DCC: variants seen among roughly 807,000 people sequenced by gnomAD.
The protein encoded by DCC is netrin receptor DCC.
DCC carries 58 observed loss-of-function variants against 172.5 expected under a neutral mutation model. The ratio of observed to expected loss-of-function variants is 0.34; its 90% CI spans 0.27 to 0.42. DCC has a LOEUF of 0.42. Ranked by LOEUF, DCC falls within the 10% of genes least tolerant of loss-of-function variation. The pLI is 1.00. For missense variants in DCC, 1,740 were observed against 1,791.0 expected (o/e 0.97, Z 0.51); for synonymous variants, 709 against 644.5 (o/e 1.10, Z -1.52).
At chr18:52,528,315 G>T (rs551405095) in intron 1 of DCC, among the ~76,000 whole-genome samples, 18 of 151,994 alleles carry the variant, frequency 1.2e-4, no homozygotes, top group African/African-American at 4.1e-4. Context: ...GATATATTTC[G>T]AATATAATGT....
At chr18:52,832,727 C>T (rs1408014589) in intron 2 of DCC, among the ~76,000 whole-genome samples, 1 of 152,104 alleles carries the variant, frequency 6.6e-6, no homozygotes, top group African/African-American at 2.4e-5. Context: ...AAGTAATTTG[C>T]AACTTCATTG....
intron 15 of DCC, among the ~76,000 whole-genome samples, chr18:53,345,682 G>C (rs1434309374): frequency 2.0e-5 from 3 of 151,656 alleles, no homozygotes; most frequent in Non-Finnish European, 4.4e-5. Context: ...TCTTCGTTTT[G>C]CTTTATCTGA....
intron 12 of DCC, among the ~76,000 whole-genome samples, chr18:53,301,711 T>C (rs948174554): frequency 7.9e-5 from 12 of 152,174 alleles, no homozygotes; most frequent in Non-Finnish European, 1.6e-4. Context: ...GTAGATATCA[T>C]CTATTGGTTT....
intron 13 of DCC, among the ~76,000 whole-genome samples, chr18:53,315,555 T>C (rs1405611178): frequency 6.6e-6 from 1 of 152,206 alleles, no homozygotes; most frequent in African/African-American, 2.4e-5. Context: ...TCCACAATGG[T>C]TGAACTAATT....
rs534494703 is a variant in DCC, at chr18:53,043,700, T to G, written c.986-19605T>G. ...TTCAAAGATGACTTTAAGAGGGAAA[T>G]GTGACATCACTGAATGGCAAAGTTG... is the stretch of plus-strand genomic sequence containing the variant. On this transcript the variant is annotated intron_variant, in intron 5 of 28. Coordinates refer to ENST00000442544, the MANE Select transcript of DCC (RefSeq NM_005215.4). Among the ~76,000 whole-genome samples, 4 of 152,052 alleles carry G rather than the reference T, an allele frequency of 2.6e-5. No individual in the cohort carries two copies. The South Asian group carries it at 8.3e-4, about 31-fold the overall frequency.
At chr18:53,225,839 C>A (rs2056018614) in intron 12 of DCC, among the ~76,000 whole-genome samples, 3 of 152,150 alleles carry the variant, frequency 2.0e-5, no homozygotes, top group South Asian at 2.1e-4. Flanking sequence ...TTGGGGTAGG[C>A]AGATAGCTGG....
At chr18:53,134,174 G>A (rs1205435480) in intron 7 of DCC, among the ~76,000 whole-genome samples, 1 of 152,128 alleles carries the variant, frequency 6.6e-6, no homozygotes, top group Non-Finnish European at 1.5e-5. Flanking sequence ...CTGTACTGCA[G>A]GTTTATTAGA....
chr18:52,576,852 A>G (rs1013335182), intron 1 of DCC, among the ~76,000 whole-genome samples: 7 of 151,274 alleles, frequency 4.6e-5, no homozygotes, highest in African/African-American at 1.7e-4. Context: ...AAAGAAAATA[A>G]TGTAGTTTCA....
At chr18:53,077,483 C>T (rs563263594) in intron 7 of DCC, among the ~76,000 whole-genome samples, 1 of 152,214 alleles carries the variant, frequency 6.6e-6, no homozygotes, top group African/African-American at 2.4e-5. Flanking sequence ...CTGTTATGTC[C>T]TCTGGTCCCG....
rs943114336 is a variant in DCC, at chr18:52,820,891, G to A, written c.412+68517G>A. On this transcript the variant is annotated intron_variant, in intron 2 of 28. Transcript: ENST00000442544. ...CCTCCCTTCCAAAATCTTTTTGTTA[G>A]TGAACAGCCTATTCTCCACCTTCCC... 5.3e-5 allele frequency among the ~76,000 whole-genome samples: 8 copies of A among 152,106 alleles called. 1 individual carries two copies. The East Asian group carries it at 1.2e-3, about 22-fold the overall frequency.
chr18:52,855,472 A>G (rs1157973091), intron 2 of DCC, among the ~76,000 whole-genome samples: 1 of 152,196 alleles, frequency 6.6e-6, no homozygotes, highest in Non-Finnish European at 1.5e-5. Context: ...TTTTGTCGAT[A>G]AGGACATGAC....
At chr18:53,410,997 A>G (rs1216300442) in intron 20 of DCC, among the ~76,000 whole-genome samples, 2 of 152,154 alleles carry the variant, frequency 1.3e-5, no homozygotes, top group East Asian at 3.8e-4. Flanking sequence ...ATAGCATACT[A>G]TTGCCGACTT....
Position 53,157,340 on chromosome 18 carries a change from T to C in DCC, c.1262-16T>C, listed in dbSNP as rs373907023. The C allele has an allele frequency of 1.5e-4, 239 of 1,613,882 alleles. No homozygotes were observed. Among genetic ancestry groups the C allele is most frequent in the Non-Finnish European group, 1.8e-4 (217 of 1,179,952 alleles). On this transcript the variant is annotated splice_polypyrimidine_tract_variant and intron_variant, in intron 7 of 28. Transcript: ENST00000442544. ...GGCAGCGACACCTCTGATAGCCTCCTCTTCTTTCTCCTTAGCTATCCCAAG... is the reference window on the plus strand; with the variant it reads ...GGCAGCGACACCTCTGATAGCCTCCCCTTCTTTCTCCTTAGCTATCCCAAG...
chr18:53,190,762 C>T (rs761401711), intron 9 of DCC, among the ~76,000 whole-genome samples: 31 of 152,080 alleles, frequency 2.0e-4, no homozygotes, highest in Non-Finnish European at 3.4e-4. Flanking sequence ...CTGGCTAACA[C>T]GGTGAAACCC....
chr18:52,583,893 T>C (rs1482340798), intron 1 of DCC, among the ~76,000 whole-genome samples: 1 of 152,254 alleles, frequency 6.6e-6, no homozygotes, highest in Non-Finnish European at 1.5e-5. Flanking sequence ...GCTTTCTCTT[T>C]CTTCCTTTTC....
chr18:52,687,684 A>AT (rs948747374), intron 1 of DCC, among the ~76,000 whole-genome samples: 3 of 152,140 alleles, frequency 2.0e-5, no homozygotes, highest in Non-Finnish European at 4.4e-5. Flanking sequence ...AGCAAGCAGA[A>AT]TTATTTTAAA....
chr18:53,418,524 T>C (rs1480691500), intron 21 of DCC, among the ~76,000 whole-genome samples: 1 of 152,160 alleles, frequency 6.6e-6, no homozygotes, highest in African/African-American at 2.4e-5. Flanking sequence ...ATTACATTTA[T>C]GACAGGAGCT....
At chr18:52,834,233 A>G (rs918236103) in intron 2 of DCC, among the ~76,000 whole-genome samples, 1 of 152,202 alleles carries the variant, frequency 6.6e-6, no homozygotes, top group Non-Finnish European at 1.5e-5. Flanking sequence ...AGCTCTTTTT[A>G]GGAAGTAAAG....
chr18:52,987,179 C>G lies in DCC; in HGVS notation c.985+61809C>G, dbSNP rs535585699. On this transcript the variant is annotated intron_variant, in intron 5 of 28. Transcript: ENST00000442544. ...CCCAAATATGGTTTCCTCCCCCTTT[C>G]TATCTATACTCACACTCTGGGTAAG... is the stretch of plus-strand genomic sequence containing the variant. Among the ~76,000 whole-genome samples, 89 of 152,224 alleles carry G rather than the reference C, an allele frequency of 5.8e-4. No individual in the cohort carries two copies. In the South Asian group the frequency reaches 0.018, roughly 30 times the overall value.
Sources: allele counts gnomAD v4.1 joint callset (sites outside exome capture counted in the v4.1 genomes callset), GRCh38; gene constraint gnomAD v4.1.1; transcripts MANE v1.5; gene names NCBI Gene and HGNC (gene_info 2026-07-23, HGNC 2026-07-21).